ADGB: variants seen among roughly 807,000 people sequenced by gnomAD.
The protein encoded by ADGB is calpain-7-like protein.
Under a neutral mutation model 210.5 loss-of-function variants are expected in ADGB, and 172 were observed. That is an observed-to-expected ratio of 0.82 (90% confidence interval 0.72 to 0.93). The LOEUF (loss-of-function observed/expected upper bound fraction) is 0.93, where lower values mean the gene tolerates loss of function less well. Ranked by LOEUF, ADGB falls within the 40% of genes least tolerant of loss-of-function variation. The pLI is 0.00. For synonymous variants in ADGB, 658 were observed against 662.7 expected (o/e 0.99, Z 0.11); for missense variants, 2,025 against 1,964.8 (o/e 1.03, Z -0.58).
At chr6:146,684,941 C>G (rs1776202559) in intron 9 of ADGB, among the ~76,000 whole-genome samples, 2 of 152,024 alleles carry the variant, frequency 1.3e-5, no homozygotes, top group Non-Finnish European at 2.9e-5. Flanking sequence ...TTCATATCTC[C>G]ATTCTAGACA....
intron 22 of ADGB, among the ~76,000 whole-genome samples, chr6:146,735,924 A>G (rs1777072826): frequency 6.6e-6 from 1 of 152,222 alleles, no homozygotes; most frequent in Non-Finnish European, 1.5e-5. Context: ...AGCATATAAT[A>G]GACAAGTAAA....
At chr6:146,760,386 C>A (rs1777467876) in intron 27 of ADGB, among the ~76,000 whole-genome samples, 1 of 151,896 alleles carries the variant, frequency 6.6e-6, no homozygotes, top group East Asian at 1.9e-4. Context: ...GCTTCTTTTG[C>A]TCAGCATAAT....
At chr6:146,781,500 A>T (rs1777800047) in intron 29 of ADGB, among the ~76,000 whole-genome samples, 1 of 151,942 alleles carries the variant, frequency 6.6e-6, no homozygotes, top group Non-Finnish European at 1.5e-5. Context: ...ATGCAGTAAA[A>T]GTAGTGTTGA....
chr6:146,719,746 G>A (rs983260277), intron 16 of ADGB, among the ~76,000 whole-genome samples: 1 of 152,066 alleles, frequency 6.6e-6, no homozygotes, highest in Non-Finnish European at 1.5e-5. Flanking sequence ...GCAGGCCCTT[G>A]AAAATGACAG....
chr6:146,744,763 A>G (rs1390137875), intron 25 of ADGB, among the ~76,000 whole-genome samples: 1 of 152,214 alleles, frequency 6.6e-6, no homozygotes, highest in Admixed American at 6.5e-5. Context: ...TCCATTTAGA[A>G]TAGCCAAGTT....
intron 33 of ADGB, among the ~76,000 whole-genome samples, chr6:146,793,710 T>C (rs1388259432): frequency 6.6e-6 from 1 of 152,156 alleles, no homozygotes; most frequent in African/African-American, 2.4e-5. Context: ...GTCACCCAAC[T>C]CCAGAAGTTG....
At chr6:146,803,288 A>G in intron 35 of ADGB, 1 of 1,606,460 alleles carries the variant, frequency 6.2e-7, no homozygotes, top group Non-Finnish European at 8.5e-7. Flanking sequence ...AAAACCCACT[A>G]TATTTTGATG....
intron 26 of ADGB, 39 bp downstream of exon 26, chr6:146,746,148 A>C (rs1477207840): frequency 5.2e-6 from 7 of 1,354,222 alleles, no homozygotes; most frequent in Non-Finnish European, 7.0e-6. Context: ...CATTTTTTAA[A>C]AAATATTAAT....
intron 35 of ADGB, among the ~76,000 whole-genome samples, chr6:146,809,229 T>G: frequency 1.3e-5 from 2 of 152,180 alleles, no homozygotes; most frequent in African/African-American, 4.8e-5. Flanking sequence ...CACTCAGCTT[T>G]TTCCTAACAC....
intron 17 of ADGB, among the ~76,000 whole-genome samples, chr6:146,722,266 G>A (rs1411475060): frequency 6.6e-6 from 1 of 151,560 alleles, no homozygotes; most frequent in East Asian, 1.9e-4. Flanking sequence ...CCCACTCCCC[G>A]CTCACTGCTT....
At chr6:146,691,487 T>TAA (rs1776324018) in intron 11 of ADGB, among the ~76,000 whole-genome samples, 197 bp downstream of exon 11, 4 of 16,260 alleles carry the variant, frequency 2.5e-4, no homozygotes, top group African/African-American at 7.6e-4. Flanking sequence ...AATATATATA[T>TAA]ATATATATAT....
rs1394253075 is a variant in ADGB at position 146,724,188 on chromosome 6, T to C, written c.2098T>C (p.Leu700=). The C allele has an allele frequency of 6.5e-7, 1 of 1,546,660 alleles. No individual in the cohort carries two copies. The highest frequency in any genetic ancestry group is 2.5e-5 in the East Asian group (1 of 40,792). Reference sequence around the variant, plus strand: ...ATACCTTTTTACTTATCTTAAAGCCTTAACAAAAGACAGTCCTCCCATAGA... The same window carrying C: ...ATACCTTTTTACTTATCTTAAAGCCCTAACAAAAGACAGTCCTCCCATAGA... ...ALVRWGEYGA[L]TKDSPPIEPG... Residue 700 remains leucine (L), a splice_region_variant and synonymous_variant, in exon 18 of 36, where the codon TTA becomes CTA. Transcript: ENST00000397944.
intron 4 of ADGB, among the ~76,000 whole-genome samples, chr6:146,655,576 A>G (rs1228592326): frequency 6.6e-6 from 1 of 152,164 alleles, no homozygotes; most frequent in Non-Finnish European, 1.5e-5. Context: ...TGATTAAAAT[A>G]CTTTTTCTTA....
intron 14 of ADGB, 47 bp from the exon 15 acceptor site, chr6:146,716,836 C>A: frequency 1.4e-6 from 2 of 1,433,946 alleles, no homozygotes; most frequent in South Asian, 1.4e-5. Context: ...ATTTCAATAA[C>A]TTGTTATTTA....
chr6:146,717,641 G>A, intron 16 of ADGB, 42 bp downstream of exon 16: 2 of 1,018,234 alleles, frequency 2.0e-6, no homozygotes, highest in African/African-American at 1.7e-5. Flanking sequence ...TAAATTTTTG[G>A]TAGAATTGCA....
In ADGB at chr6:146,733,131, T is replaced by C; in HGVS notation, c.2532T>C (p.Leu844=). Residue 844 remains leucine, a synonymous_variant, in exon 21 of 36, where the codon CTT becomes CTC. Coordinates refer to ENST00000397944, the MANE Select transcript of ADGB (RefSeq NM_024694.4). ...TTTATGTGTTTCAGGTTTTTCATCT[T>C]TCCTTATGGCGTTTAATGAAAAAAG... is the stretch of plus-strand genomic sequence containing the variant. ...LTAQHFRVFH[L]SLWRLMKKVQ... is the part of the protein sequence containing the mutation. 1 of 1,521,188 alleles carries C rather than the reference T, an allele frequency of 6.6e-7. No individual in the cohort carries two copies. Among genetic ancestry groups the C allele is most frequent in the Non-Finnish European group, 8.8e-7 (1 of 1,132,562 alleles). The allele number at this position is 1,521,188 out of a possible 1,614,324, so 94.2% of individuals were successfully genotyped here.
intron 26 of ADGB, among the ~76,000 whole-genome samples, chr6:146,749,008 G>T (rs1057440166): frequency 3.9e-5 from 6 of 152,158 alleles, no homozygotes; most frequent in Non-Finnish European, 8.8e-5. Flanking sequence ...AGCACTGGGG[G>T]TTAGAACTCC....
rs34520729 is a variant in ADGB at position 146,706,845 on chromosome 6, G to GTTTTT, written c.1707+5788_1707+5792dup. On this transcript the variant is annotated intron_variant, in intron 13 of 35. Coordinates refer to ENST00000397944, the MANE Select transcript of ADGB (RefSeq NM_024694.4). ...TTATCTTTTCAAAGATCAGCTTAGT[G>GTTTTT]TTTTTTTTTTTTTTTTTACTTTTCT... Among the ~76,000 whole-genome samples, 113 of 100,690 alleles carry GTTTTT rather than the reference G, an allele frequency of 1.1e-3. 1 individual carries two copies. Among genetic ancestry groups the GTTTTT allele is most frequent in the African/African-American group, 4.4e-3 (101 of 22,890 alleles). 66.1% of individuals were successfully genotyped at this position (100,690 alleles called of 152,430 possible). A position where few individuals can be genotyped will look rare whatever the true frequency, so the allele number is the denominator to read the frequency against.
rs1480553830 is a variant in ADGB, at chr6:146,815,341, T to G, written c.*124T>G. 1.4e-6 allele frequency: 1 copy of G among 738,320 alleles called. No homozygotes were observed. The highest frequency in any genetic ancestry group is 2.0e-6 in the Non-Finnish European group (1 of 510,316). 45.7% of individuals were successfully genotyped at this position (738,320 alleles called of 1,614,324 possible). A position where few individuals can be genotyped will look rare whatever the true frequency, so the allele number is the denominator to read the frequency against. On this transcript the variant is annotated 3_prime_UTR_variant, in exon 36 of 36. Transcript: ENST00000397944. ...AGAAATTTCTCTTTCTTAGAAATAT[T>G]TTAATGCTAACTTGTTAGTTTTCCT...
Sources: allele counts gnomAD v4.1 joint callset (sites outside exome capture counted in the v4.1 genomes callset), GRCh38; gene constraint gnomAD v4.1.1; transcripts MANE v1.5; gene names NCBI Gene and HGNC (gene_info 2026-07-23, HGNC 2026-07-21).